The following CERCAM variants were observed in gnomAD, a reference collection of about 807,000 sequenced individuals.
CERCAM encodes cerebral endothelial cell adhesion molecule.
CERCAM carries 59 observed loss-of-function variants against 66.0 expected under a neutral mutation model. The ratio of observed to expected loss-of-function variants is 0.89; its 90% CI spans 0.73 to 1.11. CERCAM has a LOEUF of 1.11. Among genes scored for constraint, CERCAM ranks in the 50% most tolerant of loss-of-function variants. The pLI, the probability that CERCAM is intolerant of heterozygous loss-of-function variation, is 0.00. For missense variants in CERCAM, 840 were observed against 828.3 expected, an observed-to-expected ratio of 1.01 and a Z score of -0.17; for synonymous variants, 318 against 343.6, an observed-to-expected ratio of 0.93 and a Z score of 0.83.
intron 1 of CERCAM, chr9:128,422,608 A>G (rs1248162792): frequency 4.4e-6 from 2 of 450,108 alleles, no homozygotes; most frequent in Non-Finnish European, 8.0e-6. Context: ...TGTCCATGAC[A>G]TAAGCAGGAC....
Position 128,434,338 on chromosome 9 carries a change from G to C in CERCAM, c.1332-72G>C. On this transcript the variant is annotated intron_variant, in intron 10 of 12. Transcript: ENST00000372838. The surrounding 1 kb of genome is among the most constrained non-coding windows in gnomAD (Gnocchi z 4.5). ...CATCCCCTGAGAGCCTGGCCCTGTAGGAGCGGGTGTGGGAGGGTCCCATGA... is the reference window on the plus strand; with the variant it reads ...CATCCCCTGAGAGCCTGGCCCTGTACGAGCGGGTGTGGGAGGGTCCCATGA... 1 of 1,604,374 alleles carries C rather than the reference G, an allele frequency of 6.2e-7. No individual in the cohort carries two copies. Among genetic ancestry groups the C allele is most frequent in the Non-Finnish European group, 8.5e-7 (1 of 1,173,548 alleles).
intron 8 of CERCAM, 159 bp from the exon 9 acceptor site, chr9:128,431,012 C>T: frequency 1.2e-6 from 1 of 861,568 alleles, no homozygotes; most frequent in Non-Finnish European, 1.8e-6. Context: ...TTCCCCAGGT[C>T]CAGTCCCTTG....
rs189027205 is a variant in CERCAM, at chr9:128,424,066, G to C, written c.427-72G>C. 4.5e-6 allele frequency: 7 copies of C among 1,547,486 alleles called. No homozygotes were observed. The East Asian group carries it at 1.3e-4, about 30-fold the overall frequency. On this transcript the variant is annotated intron_variant, in intron 3 of 12. Coordinates refer to ENST00000372838, the MANE Select transcript of CERCAM (RefSeq NM_016174.5). ...AGGAGCCACGCTGGGTCTCTGGCAG[G>C]ACCACTCAGTGAACTCCTTGGGGGG...
At chr9:128,435,501 T>G in intron 11 of CERCAM, 152 bp from the exon 12 acceptor site, 1 of 690,050 alleles carries the variant, frequency 1.4e-6, no homozygotes. Flanking sequence ...AAAATGGAGG[T>G]AGTAGAAGTC....
At chr9:128,422,151 CAG>C (rs1217819958) in intron 1 of CERCAM, 2 of 152,274 alleles carry the variant, frequency 1.3e-5, no homozygotes, top group Non-Finnish European at 2.9e-5. Context: ...CAGAGAGGGA[CAG>C]GGGCTGGCCT....
chr9:128,422,999 G>A (rs1833746206), intron 2 of CERCAM, 21 bp downstream of exon 2: 1 of 1,613,406 alleles, frequency 6.2e-7, no homozygotes, highest in African/African-American at 1.3e-5. Context: ...GAGGGGAAGG[G>A]TGCTGGGGAA....
intron 5 of CERCAM, among the ~76,000 whole-genome samples, chr9:128,425,431 G>C (rs1481646554): frequency 6.6e-6 from 1 of 152,184 alleles, no homozygotes; most frequent in African/African-American, 2.4e-5. Context: ...GTCTTGGGAA[G>C]CTGAGGCTGG....
intron 1 of CERCAM, chr9:128,421,285 C>T: frequency 8.1e-7 from 1 of 1,229,288 alleles, no homozygotes; most frequent in Non-Finnish European, 1.0e-6. Context: ...CACAGGCCGA[C>T]GCGGGACACC....
In CERCAM at chr9:128,428,365, A is replaced by C. The variant is rs778136975; in HGVS notation, c.830A>C (p.His277Pro). ...TACATGAATGTGCCGGTGAAATCCC[A>C]CCAGGGGCTGGAAGACGAGAGGGTC... ...YGYMNVPVKS[H>P]QGLEDERVNF... is the part of the protein sequence containing the mutation. Residue 277 changes from histidine (H) to proline (P), a missense_variant, in exon 6 of 13, where the codon CAC becomes CCC. His to Pro is a moderately conservative substitution (Grantham distance 77, BLOSUM62 -2). Transcript: ENST00000372838. 54 of 1,614,006 alleles carry C rather than the reference A, an allele frequency of 3.3e-5. 1 individual carries two copies. In the South Asian group the frequency reaches 5.3e-4, roughly 16 times the overall value.
intron 5 of CERCAM, among the ~76,000 whole-genome samples, chr9:128,425,813 GC>G (rs1194170836): frequency 1.5e-5 from 2 of 136,734 alleles, no homozygotes; most frequent in African/African-American, 5.7e-5. Flanking sequence ...GCCCAGCCCA[GC>G]CTTTTTTTTT....
At chr9:128,421,660 C>A in intron 1 of CERCAM, 1 of 374,784 alleles carries the variant, frequency 2.7e-6, no homozygotes, top group Non-Finnish European at 3.7e-6. Context: ...CTTCCTGGAG[C>A]CTCTCCCCTC....
At chr9:128,430,216 A>G (rs1169449728) in intron 8 of CERCAM, among the ~76,000 whole-genome samples, 2 of 152,166 alleles carry the variant, frequency 1.3e-5, no homozygotes, top group South Asian at 2.1e-4. Context: ...TGGCCAACCA[A>G]CATGGTGAAA....
At chr9:128,425,875 G>A (rs186151707) in intron 5 of CERCAM, among the ~76,000 whole-genome samples, 73 of 143,982 alleles carry the variant, frequency 5.1e-4, no homozygotes, top group African/African-American at 1.9e-3. Flanking sequence ...AGGCTAGAGT[G>A]CAGTGGCACA....
At chr9:128,428,203 GAC>G in intron 5 of CERCAM, 97 bp from the exon 6 acceptor site, 1 of 1,406,388 alleles carries the variant, frequency 7.1e-7, no homozygotes, top group Non-Finnish European at 9.6e-7. Context: ...AGAGAAGACT[GAC>G]ATGTTGGGTC....
intron 5 of CERCAM, among the ~76,000 whole-genome samples, chr9:128,425,064 G>A (rs1247768109): frequency 1.3e-5 from 2 of 148,194 alleles, no homozygotes; most frequent in African/African-American, 2.5e-5. Flanking sequence ...TGTTGTTGTT[G>A]TTGTTGTTTT....
At position 128,435,634 on chromosome 9, in the gene CERCAM, C is replaced by T; in HGVS notation, c.1536-19C>T. 1 of 1,581,004 alleles carries T rather than the reference C, an allele frequency of 6.3e-7. No individual in the cohort carries two copies. The highest frequency in any genetic ancestry group is 8.6e-7 in the Non-Finnish European group (1 of 1,159,604). Reference sequence around the variant, plus strand: ...AGGGGCCCGCCTCAATCCCCCTGAGCTATCCTCTCACCTTACAGCGAGCAG... The same window carrying T: ...AGGGGCCCGCCTCAATCCCCCTGAGTTATCCTCTCACCTTACAGCGAGCAG... On this transcript the variant is annotated intron_variant, in intron 11 of 12. Transcript: ENST00000372838.
At chr9:128,433,375 C>A (rs540772612) in intron 9 of CERCAM, among the ~76,000 whole-genome samples, 1 of 151,976 alleles carries the variant, frequency 6.6e-6, no homozygotes, top group African/African-American at 2.4e-5. Flanking sequence ...CACTTGAACC[C>A]GGGAGGCAGA....
intron 8 of CERCAM, 150 bp downstream of exon 8, chr9:128,429,186 G>T: frequency 1.6e-6 from 1 of 612,712 alleles, no homozygotes; most frequent in South Asian, 2.1e-5. Flanking sequence ...ATCCTCTCAG[G>T]GAGTTCCGGA....
In CERCAM at chr9:128,424,262, T is replaced by TCAC. The variant is rs756564549; in HGVS notation, c.553_555dup (p.Thr185dup). On this transcript the variant is annotated inframe_insertion, in exon 4 of 13. Transcript: ENST00000372838. ...TACTACTCCAACTTCTGGTGTGGGA[T>TCAC]CACCCCCCAGGTGAGGCCGGGATGG... is the stretch of plus-strand genomic sequence containing the variant. 2 of 1,614,024 alleles carry TCAC rather than the reference T, an allele frequency of 1.2e-6. No individual in the cohort carries two copies. The highest frequency in any genetic ancestry group is 1.1e-5 in the South Asian group (1 of 91,080).
Sources: gnomAD v4.1 joint callset for allele counts (sites outside exome capture counted in the v4.1 genomes callset) on GRCh38, gnomAD v4.1.1 for gene constraint, Gnocchi (gnomAD v3.1) non-coding constraint, MANE v1.5 for transcripts, NCBI Gene and HGNC (gene_info 2026-07-23, HGNC 2026-07-21) for gene names.